Variants in SMIM36 observed in about 807,000 individuals in gnomAD.
SMIM36 encodes small integral membrane protein 36.
At chr17:55,458,270 A>C (rs1012613019) in intron 4 of SMIM36, 1 of 152,196 alleles carries the variant, frequency 6.6e-6, no homozygotes, top group Non-Finnish European at 1.5e-5. Context: ...CCCCAGTCAC[A>C]ATCTGCAGCG....
the SMIM36 span, among the ~76,000 whole-genome samples, chr17:55,530,776 C>A: frequency 6.8e-6 from 1 of 146,194 alleles, no homozygotes; most frequent in Admixed American, 6.6e-5. Context: ...GAGCTAGACT[C>A]CGCCTCAAAA....
the SMIM36 span, among the ~76,000 whole-genome samples, chr17:55,524,093 A>C: frequency 6.6e-6 from 1 of 152,070 alleles, no homozygotes; most frequent in Non-Finnish European, 1.5e-5. Context: ...ACCCTCAAGT[A>C]GGCTCCAGTG....
the SMIM36 span, among the ~76,000 whole-genome samples, chr17:55,516,641 C>T: frequency 6.7e-6 from 1 of 149,784 alleles, no homozygotes; most frequent in Non-Finnish European, 1.5e-5. Flanking sequence ...TCACTGCAAA[C>T]TCCGCCTCCC....
intron 1 of SMIM36, among the ~76,000 whole-genome samples, chr17:55,501,428 T>TAACA (rs1306857490): frequency 2.8e-5 from 1 of 35,400 alleles, no homozygotes; most frequent in Non-Finnish European, 4.0e-5. Context: ...ATATAATATA[T>TAACA]TATTATATAT....
chr17:55,523,768 T>C, the SMIM36 span, among the ~76,000 whole-genome samples: 1 of 152,184 alleles, frequency 6.6e-6, no homozygotes, highest in Non-Finnish European at 1.5e-5. Flanking sequence ...ATATTTTGAG[T>C]TGGGCTTTCA....
At chr17:55,523,430 T>C in the SMIM36 span, among the ~76,000 whole-genome samples, 1 of 151,062 alleles carries the variant, frequency 6.6e-6, no homozygotes, top group Non-Finnish European at 1.5e-5. Context: ...CTTGGGAGGC[T>C]GAGGCAGGAG....
At chr17:55,497,378 C>T (rs1909828223) in intron 1 of SMIM36, among the ~76,000 whole-genome samples, 2 of 152,108 alleles carry the variant, frequency 1.3e-5, no homozygotes, top group South Asian at 2.1e-4. Context: ...GATTCTCCTG[C>T]CTTAGTATCC....
chr17:55,515,086 G>GTTTTTTTTTTTTTTTTT (rs1158864125), upstream of SMIM36, among the ~76,000 whole-genome samples: 1 of 54,086 alleles, frequency 1.8e-5, no homozygotes, highest in African/African-American at 1.0e-4. Context: ...CTAGTCTAGT[G>GTTTTTTTTTTTTTTTTT]TTTTTTTTTT....
In SMIM36 at chr17:55,486,995, A is replaced by G. The variant is rs79178516; in HGVS notation, c.*175-7415T>C. ...ACCATGTGCTGGGCACTGAGAATAC[A>G]AAGGAGAATAAGGCATGGCCTCTGG... On this transcript the variant is annotated intron_variant, in intron 1 of 4. Coordinates refer to ENST00000636752, the Ensembl canonical transcript of SMIM36. 3.3e-5 allele frequency among the ~76,000 whole-genome samples: 5 copies of G among 152,324 alleles called. No homozygotes were observed. In the East Asian group the frequency reaches 9.7e-4, roughly 29 times the overall value.
chr17:55,496,524 T>A (rs1394687490), intron 1 of SMIM36, among the ~76,000 whole-genome samples: 4 of 152,140 alleles, frequency 2.6e-5, no homozygotes, highest in African/African-American at 9.7e-5. Context: ...AAAGTCAAAG[T>A]CGAAATAACT....
intron 4 of SMIM36, among the ~76,000 whole-genome samples, chr17:55,466,907 C>A (rs1598448702): frequency 2.0e-5 from 3 of 152,250 alleles, no homozygotes; most frequent in Middle Eastern, 3.4e-3. Flanking sequence ...TATCTCAAGG[C>A]TATTCTTAAG....
At chr17:55,501,966 C>T (rs1338258283) in intron 1 of SMIM36, among the ~76,000 whole-genome samples, 7 of 149,458 alleles carry the variant, frequency 4.7e-5, no homozygotes, top group Non-Finnish European at 7.4e-5. Flanking sequence ...GGGTGACGGA[C>T]GCACCTGGAA....
intron 1 of SMIM36, among the ~76,000 whole-genome samples, chr17:55,491,969 T>C (rs956569228): frequency 7.9e-5 from 12 of 151,798 alleles, no homozygotes; most frequent in Admixed American, 3.3e-4. Flanking sequence ...ACCATCCTGG[T>C]TAACACAGTG....
chr17:55,475,511 T>C (rs1300899158), intron 3 of SMIM36, among the ~76,000 whole-genome samples: 3 of 152,232 alleles, frequency 2.0e-5, no homozygotes, highest in Non-Finnish European at 4.4e-5. Context: ...TGGCTTTGCA[T>C]TTCTCTTTCC....
intron 1 of SMIM36, among the ~76,000 whole-genome samples, chr17:55,495,194 T>C (rs1334544171): frequency 6.6e-6 from 1 of 152,240 alleles, no homozygotes; most frequent in African/African-American, 2.4e-5. Flanking sequence ...CCTGTATCTG[T>C]GCTATACAAG....
At chr17:55,499,547 G>A (rs1299120790) in intron 1 of SMIM36, among the ~76,000 whole-genome samples, 2 of 152,176 alleles carry the variant, frequency 1.3e-5, no homozygotes, top group Admixed American at 6.5e-5. Flanking sequence ...CTGGCACGTA[G>A]CGAATTCCTG....
intron 4 of SMIM36, among the ~76,000 whole-genome samples, chr17:55,452,126 G>GAA (rs35861811): frequency 7.3e-6 from 1 of 136,062 alleles, no homozygotes; most frequent in Non-Finnish European, 1.5e-5. Flanking sequence ...AAAAAAAAAG[G>GAA]AAACACTTTT....
chr17:55,492,402 C>T (rs1909729121), intron 1 of SMIM36, among the ~76,000 whole-genome samples: 1 of 151,190 alleles, frequency 6.6e-6, no homozygotes, highest in South Asian at 2.1e-4. Context: ...GCCACCAAGC[C>T]TGGCTAATTT....
intron 1 of SMIM36, among the ~76,000 whole-genome samples, chr17:55,495,884 A>G (rs1039375465): frequency 1.3e-5 from 2 of 152,208 alleles, no homozygotes; most frequent in African/African-American, 4.8e-5. Flanking sequence ...GATTAAATAC[A>G]GAGAAATATT....
Sources: gnomAD v4.1 joint callset for allele counts (sites outside exome capture counted in the v4.1 genomes callset) on GRCh38, gnomAD v4.1.1 for gene constraint, MANE v1.5 for transcripts, NCBI Gene and HGNC (gene_info 2026-07-23, HGNC 2026-07-21) for gene names.